KCNN2: variants seen among roughly 807,000 people sequenced by gnomAD.
The protein encoded by KCNN2 is potassium calcium-activated channel subfamily N member 2, also known as small conductance calcium-activated potassium channel protein 2.
A neutral mutation model predicts 55.5 loss-of-function variants in KCNN2; 24 were observed. The observed-to-expected ratio is 0.43, with a 90% CI of 0.31 to 0.61. The LOEUF is 0.61. KCNN2 is among the 20% of genes least tolerant of loss of function. The pLI is 0.08. For synonymous variants in KCNN2, 431 were observed against 336.1 expected (o/e 1.28, Z -3.09); for missense variants, 754 against 853.6 (o/e 0.88, Z 1.45).
chr5:114,246,754 A>G (rs958935804), intron 2 of KCNN2, among the ~76,000 whole-genome samples: 10 of 152,222 alleles, frequency 6.6e-5, no homozygotes, highest in Admixed American at 6.5e-4. Flanking sequence ...GAATAAGACA[A>G]TATTATTCTT....
At chr5:114,189,818 G>A (rs988145048) in intron 1 of KCNN2, among the ~76,000 whole-genome samples, 3 of 152,132 alleles carry the variant, frequency 2.0e-5, no homozygotes, top group Non-Finnish European at 4.4e-5. Flanking sequence ...ATCTTGGAAT[G>A]TGATAAAAAT....
intron 2 of KCNN2, among the ~76,000 whole-genome samples, chr5:114,249,289 TC>T (rs201287012): frequency 0.38 from 55,909 of 147,726 alleles, 10,871 homozygotes; most frequent in East Asian, 0.72. Flanking sequence ...TTTCTTTCTT[TC>T]TTTTTTTTAA....
chr5:114,401,576 C>G (rs1758787741), intron 2 of KCNN2, among the ~76,000 whole-genome samples: 1 of 152,142 alleles, frequency 6.6e-6, no homozygotes, highest in African/African-American at 2.4e-5. Flanking sequence ...TTTTATTGTC[C>G]TTTATGTGAC....
intron 3 of KCNN2, among the ~76,000 whole-genome samples, chr5:114,461,252 C>T (rs1171043284): frequency 6.6e-6 from 1 of 152,112 alleles, no homozygotes. Context: ...AGCTGCCTTC[C>T]TGGAATGCTA....
intron 2 of KCNN2, among the ~76,000 whole-genome samples, chr5:114,347,360 C>G (rs894841339): frequency 6.6e-6 from 1 of 152,128 alleles, no homozygotes; most frequent in Non-Finnish European, 1.5e-5. Flanking sequence ...TTAACATCAC[C>G]AGTATTAAGA....
At chr5:114,314,760 C>T (rs1157197129) in intron 2 of KCNN2, among the ~76,000 whole-genome samples, 1 of 152,056 alleles carries the variant, frequency 6.6e-6, no homozygotes, top group African/African-American at 2.4e-5. Context: ...ATAACCCAGG[C>T]CCACTCACTT....
intron 2 of KCNN2, among the ~76,000 whole-genome samples, chr5:114,391,656 C>T (rs888285437): frequency 2.0e-5 from 3 of 152,168 alleles, no homozygotes; most frequent in African/African-American, 4.8e-5. Flanking sequence ...TGCATTTCTT[C>T]TGCATTGTTG....
intron 2 of KCNN2, among the ~76,000 whole-genome samples, chr5:114,236,772 GTAT>G (rs1457399787): frequency 1.3e-5 from 2 of 151,950 alleles, no homozygotes; most frequent in Non-Finnish European, 2.9e-5. Context: ...GCTTGTATAA[GTAT>G]TATGTATATT....
intron 1 of KCNN2, among the ~76,000 whole-genome samples, chr5:114,068,370 T>TATG (rs1475341785): frequency 6.6e-6 from 1 of 152,248 alleles, no homozygotes; most frequent in Non-Finnish European, 1.5e-5. Flanking sequence ...ATTGAAAATG[T>TATG]ATGGCCACAT....
intron 1 of KCNN2, among the ~76,000 whole-genome samples, chr5:114,194,931 C>T (rs1753521510): frequency 1.3e-5 from 2 of 149,842 alleles, no homozygotes; most frequent in Admixed American, 6.6e-5. Context: ...CTCCCAGTGC[C>T]ATCTGTTGAG....
chr5:114,098,648 C>T (rs192323412), intron 1 of KCNN2, among the ~76,000 whole-genome samples: 1 of 152,020 alleles, frequency 6.6e-6, no homozygotes, highest in Non-Finnish European at 1.5e-5. Flanking sequence ...TCCCACGAAA[C>T]TGGTCCCTGG....
chr5:114,355,422 C>G (rs1490429682), intron 2 of KCNN2, among the ~76,000 whole-genome samples: 1 of 152,096 alleles, frequency 6.6e-6, no homozygotes, highest in Non-Finnish European at 1.5e-5. Flanking sequence ...TTTTAGCCTC[C>G]CTATGTTTTA....
chr5:114,131,294 G>A (rs555152898), intron 1 of KCNN2, among the ~76,000 whole-genome samples: 1 of 151,958 alleles, frequency 6.6e-6, no homozygotes, highest in Admixed American at 6.6e-5. Flanking sequence ...TGCCACCAAC[G>A]GGTCTCAGTG....
chr5:114,151,345 C>A (rs1430566795), intron 1 of KCNN2, among the ~76,000 whole-genome samples: 1 of 152,038 alleles, frequency 6.6e-6, no homozygotes, highest in Non-Finnish European at 1.5e-5. Flanking sequence ...CTCAGGTACC[C>A]CCAGCCCCTT....
At chr5:114,142,446 A>G (rs1005076378) in intron 1 of KCNN2, among the ~76,000 whole-genome samples, 2 of 152,136 alleles carry the variant, frequency 1.3e-5, no homozygotes, top group Non-Finnish European at 2.9e-5. Context: ...TTTGCAGATG[A>G]CATGATTGTA....
chr5:114,457,105 A>G (rs999868790), intron 3 of KCNN2, among the ~76,000 whole-genome samples: 4 of 152,206 alleles, frequency 2.6e-5, no homozygotes, highest in Admixed American at 6.5e-5. Flanking sequence ...ATCATATGCT[A>G]TAGATAAATC....
At chr5:114,304,589 C>T (rs1756231570) in intron 2 of KCNN2, among the ~76,000 whole-genome samples, 1 of 152,166 alleles carries the variant, frequency 6.6e-6, no homozygotes, top group Non-Finnish European at 1.5e-5. Context: ...TTCTCTGCCT[C>T]AAAAGGTGTG....
At chr5:114,458,826 G>C (rs561875661) in intron 3 of KCNN2, among the ~76,000 whole-genome samples, 1 of 152,296 alleles carries the variant, frequency 6.6e-6, no homozygotes, top group South Asian at 2.1e-4. Context: ...CAGATCCTCA[G>C]AGTACAAACG....
At chr5:114,254,380 A>T (rs1410027146) in intron 2 of KCNN2, among the ~76,000 whole-genome samples, 1 of 152,212 alleles carries the variant, frequency 6.6e-6, no homozygotes, top group Non-Finnish European at 1.5e-5. Context: ...TATTTTACTT[A>T]TCTTGAGATT....
Sources: gnomAD v4.1 joint callset for allele counts (sites outside exome capture counted in the v4.1 genomes callset) on GRCh38, gnomAD v4.1.1 for gene constraint, MANE v1.5 for transcripts, NCBI Gene and HGNC (gene_info 2026-07-23, HGNC 2026-07-21) for gene names.